Variants in JAZF1 observed in about 807,000 individuals in gnomAD.
The protein encoded by JAZF1 is juxtaposed with another zinc finger protein 1.
A neutral mutation model predicts 26.4 loss-of-function variants in JAZF1; 8 were observed. The observed-to-expected ratio is 0.30, with a 90% CI of 0.18 to 0.55. JAZF1 has a LOEUF of 0.55. Ranked by LOEUF, JAZF1 falls within the 20% of genes least tolerant of loss-of-function variation. The pLI, the probability that JAZF1 is intolerant of heterozygous loss-of-function variation, is 0.94. For missense variants in JAZF1, 199 were observed against 322.0 expected (o/e 0.62, Z 2.92); for synonymous variants, 126 against 122.3 (o/e 1.03, Z -0.20).
At chr7:27,912,915 T>C (rs1006560276) in intron 2 of JAZF1, among the ~76,000 whole-genome samples, 2 of 152,164 alleles carry the variant, frequency 1.3e-5, no homozygotes, top group African/African-American at 4.8e-5. Context: ...TGGTGGCAGA[T>C]ACTGTTTCCA....
Position 28,007,891 on chromosome 7 carries a change from TCTTTTTTTTC to T in JAZF1, c.116-15920_116-15911del, listed in dbSNP as rs983280692. Among the ~76,000 whole-genome samples the T allele has an allele frequency of 1.3e-3, 196 of 152,284 alleles. 5 individuals carry two copies. The highest frequency in any genetic ancestry group is 0.013 in the Admixed American group (192 of 15,300). On this transcript the variant is annotated intron_variant, in intron 1 of 4. Coordinates refer to ENST00000283928, the MANE Select transcript of JAZF1 (RefSeq NM_175061.4). Reference sequence around the variant, plus strand: ...CATTACTAGCATTCCCCACTAGAGTTCTTTTTTTTCCTCGCTAAAAAGTGCTTCATAGAAT... The same window carrying T: ...CATTACTAGCATTCCCCACTAGAGTTCTCGCTAAAAAGTGCTTCATAGAAT...
chr7:28,008,258 C>A (rs1307236660), intron 1 of JAZF1, among the ~76,000 whole-genome samples: 1 of 151,452 alleles, frequency 6.6e-6, no homozygotes, highest in Non-Finnish European at 1.5e-5. Context: ...TGTCTGTTGC[C>A]CCGGCTGCAG....
intron 1 of JAZF1, among the ~76,000 whole-genome samples, chr7:28,108,307 C>T (rs1784586304): frequency 6.6e-6 from 1 of 152,168 alleles, no homozygotes; most frequent in Non-Finnish European, 1.5e-5. Context: ...TCCAGCAATG[C>T]CAAATTCATT....
At chr7:27,838,938 A>G (rs1362944325) in intron 4 of JAZF1, among the ~76,000 whole-genome samples, 4 of 152,180 alleles carry the variant, frequency 2.6e-5, no homozygotes, top group African/African-American at 9.7e-5. Context: ...GGCTCACTGA[A>G]TTCTCAGTGG....
chr7:27,853,375 C>T (rs1298543522), intron 3 of JAZF1, among the ~76,000 whole-genome samples: 2 of 152,052 alleles, frequency 1.3e-5, no homozygotes, highest in Non-Finnish European at 2.9e-5. Flanking sequence ...TCTCAGGGTC[C>T]TCTGGTTTCT....
At chr7:28,127,541 G>A (rs1224845035) in intron 1 of JAZF1, among the ~76,000 whole-genome samples, 1 of 151,552 alleles carries the variant, frequency 6.6e-6, no homozygotes, top group Admixed American at 6.6e-5. Context: ...ATTTCACCAG[G>A]GAGGTCTAAA....
intron 1 of JAZF1, among the ~76,000 whole-genome samples, chr7:28,009,487 C>CT (rs758716307): frequency 0.048 from 6,884 of 143,708 alleles, 244 homozygotes; most frequent in African/African-American, 0.093. Context: ...AATACCATTG[C>CT]TTTTTTTTTT....
chr7:28,071,225 CA>C (rs1373189341), intron 1 of JAZF1, among the ~76,000 whole-genome samples: 1 of 152,122 alleles, frequency 6.6e-6, no homozygotes, highest in African/African-American at 2.4e-5. Context: ...GGTTTGACAC[CA>C]AAAGAGACTG....
intron 1 of JAZF1, among the ~76,000 whole-genome samples, chr7:28,149,846 CCT>C (rs1783083312): frequency 6.6e-6 from 1 of 152,140 alleles, no homozygotes; most frequent in African/African-American, 2.4e-5. Context: ...GTTTTCTTCC[CCT>C]GAGGAAATAA....
intron 1 of JAZF1, among the ~76,000 whole-genome samples, chr7:28,174,437 G>A (rs1015273530): frequency 1.3e-5 from 2 of 152,126 alleles, no homozygotes; most frequent in African/African-American, 2.4e-5. Context: ...TGTCACCTAC[G>A]GGAAGAATTG....
chr7:27,910,599 C>A (rs1197822792), intron 2 of JAZF1, among the ~76,000 whole-genome samples: 1 of 152,122 alleles, frequency 6.6e-6, no homozygotes, highest in Non-Finnish European at 1.5e-5. Flanking sequence ...AGTACAGGCC[C>A]CTATTTCAGG....
intron 2 of JAZF1, among the ~76,000 whole-genome samples, chr7:27,982,615 C>T (rs1393276482): frequency 6.6e-6 from 1 of 152,146 alleles, no homozygotes; most frequent in Non-Finnish European, 1.5e-5. Context: ...GTTCTCCCGG[C>T]ACGGAGTTTG....
chr7:27,964,391 T>C (rs1314739624), intron 2 of JAZF1, among the ~76,000 whole-genome samples: 1 of 152,146 alleles, frequency 6.6e-6, no homozygotes, highest in East Asian at 1.9e-4. Context: ...TTATGGAATA[T>C]TATGTGGCCA....
At chr7:27,984,822 T>C (rs769630545) in intron 2 of JAZF1, among the ~76,000 whole-genome samples, 1 of 152,130 alleles carries the variant, frequency 6.6e-6, no homozygotes, top group Non-Finnish European at 1.5e-5. Context: ...CTCAACTACA[T>C]GGAAACTGAA....
At chr7:27,845,496 A>T (rs564594458) in intron 3 of JAZF1, among the ~76,000 whole-genome samples, 1 of 152,172 alleles carries the variant, frequency 6.6e-6, no homozygotes, top group African/African-American at 2.4e-5. Flanking sequence ...CAGGAGTTTG[A>T]GACCAGCCTG....
intron 1 of JAZF1, chr7:28,020,452 TCCA>T: frequency 2.6e-6 from 1 of 389,090 alleles, no homozygotes; most frequent in Non-Finnish European, 5.3e-6. Context: ...AGCCAGCGCC[TCCA>T]CGGTGCCTTC....
chr7:27,892,994 T>C lies in JAZF1; in HGVS notation c.385+2226A>G, dbSNP rs538147719. Among the ~76,000 whole-genome samples, 63 of 152,292 alleles carry C rather than the reference T, an allele frequency of 4.1e-4. 1 individual carries two copies. Among genetic ancestry groups the C allele is most frequent in the African/African-American group, 1.5e-3 (61 of 41,560 alleles). On this transcript the variant is annotated intron_variant, in intron 3 of 4. Transcript: ENST00000283928. ...AAGTTAAGGCAGCAACTCTGGTTTA[T>C]CTCCCATACCTAATCTGTCTTCAAA...
chr7:28,066,649 G>C (rs1038729908), intron 1 of JAZF1, among the ~76,000 whole-genome samples: 1 of 145,662 alleles, frequency 6.9e-6, no homozygotes, highest in Non-Finnish European at 1.5e-5. Context: ...AACAACAAAA[G>C]GTGGGAACCA....
In JAZF1 at chr7:28,153,602, T is replaced by C. The variant is rs531333924; in HGVS notation, c.115+26861A>G. Among the ~76,000 whole-genome samples, 191 of 152,346 alleles carry C rather than the reference T, an allele frequency of 1.3e-3. 4 individuals carry two copies. Among genetic ancestry groups the C allele is most frequent in the East Asian group, 7.7e-3 (40 of 5,180 alleles). ...ACTGTCTCACTCTCTGCAGCCATAC[T>C]GAACAAACCTATTCCCTCTTTCTTG... is the stretch of plus-strand genomic sequence containing the variant. On this transcript the variant is annotated intron_variant, in intron 1 of 4. Transcript: ENST00000283928.
Sources: allele counts gnomAD v4.1 joint callset (sites outside exome capture counted in the v4.1 genomes callset), GRCh38; gene constraint gnomAD v4.1.1; transcripts MANE v1.5; gene names NCBI Gene and HGNC (gene_info 2026-07-23, HGNC 2026-07-21).